The following SLC16A12 variants were observed in gnomAD, a reference collection of about 807,000 sequenced individuals.
SLC16A12 encodes the protein monocarboxylate transporter 12.
A neutral mutation model predicts 42.4 loss-of-function variants in SLC16A12; 17 were observed. The observed-to-expected ratio is 0.40, with a 90% CI of 0.27 to 0.60. SLC16A12 has a LOEUF of 0.60. SLC16A12 is among the 20% of genes least tolerant of loss of function. The probability of loss-of-function intolerance (pLI) is 0.42; values close to 1 mark genes in which losing one functional copy is unlikely to be tolerated. For synonymous variants in SLC16A12, 224 were observed against 229.4 expected, an observed-to-expected ratio of 0.98 and a Z score of 0.21; for missense variants, 544 against 623.0, an observed-to-expected ratio of 0.87 and a Z score of 1.35.
chr10:89,525,046 C>T (rs531142995), intron 2 of SLC16A12, among the ~76,000 whole-genome samples: 8 of 152,000 alleles, frequency 5.3e-5, no homozygotes, highest in South Asian at 2.1e-4. Flanking sequence ...GGTGAAACCC[C>T]GTCTCTACTA....
Position 89,441,202 on chromosome 10 carries a change from G to A in SLC16A12, c.354C>T (p.Ile118=). The change falls in exon 5 of 8, where the codon ATC becomes ATT. Residue 118 remains isoleucine (I), a synonymous_variant. Transcript: ENST00000371790. ...TAGATGCAAGCAAGCCACCCAGCAT[G>A]ATTCCCACTTGACAGGATAAATGGT... ...VSNHLSCQVG[I]MLGGLLASTG... is the part of the protein sequence containing the mutation. 1.2e-6 allele frequency: 2 copies of A among 1,613,976 alleles called. No homozygotes were observed. Among genetic ancestry groups the A allele is most frequent in the Non-Finnish European group, 1.7e-6 (2 of 1,179,940 alleles).
At chr10:89,516,095 G>A (rs1843246250) in intron 2 of SLC16A12, among the ~76,000 whole-genome samples, 1 of 152,148 alleles carries the variant, frequency 6.6e-6, no homozygotes, top group Admixed American at 6.6e-5. Context: ...TTTACTCACA[G>A]GAACACACCG....
chr10:89,498,998 C>T (rs776349678), intron 2 of SLC16A12, among the ~76,000 whole-genome samples: 12 of 152,192 alleles, frequency 7.9e-5, no homozygotes, highest in Non-Finnish European at 1.6e-4. Flanking sequence ...CCTAGATCTT[C>T]CCTCTGACAG....
At chr10:89,436,901 A>AAAGAAAGAAAGAAAGG in intron 6 of SLC16A12, among the ~76,000 whole-genome samples, 1 of 150,074 alleles carries the variant, frequency 6.7e-6, no homozygotes, top group African/African-American at 2.5e-5. Context: ...AGAAAGAAAG[A>AAAGAAAGAAAGAAAGG]AAGAAAGAAA....
chr10:89,524,320 G>A (rs1843412553), intron 2 of SLC16A12, among the ~76,000 whole-genome samples: 1 of 152,034 alleles, frequency 6.6e-6, no homozygotes, highest in Non-Finnish European at 1.5e-5. Flanking sequence ...AAAACTCAAA[G>A]AAAAATCAAA....
intron 2 of SLC16A12, among the ~76,000 whole-genome samples, chr10:89,519,859 A>G (rs1023785396): frequency 1.2e-4 from 18 of 152,322 alleles, no homozygotes; most frequent in African/African-American, 4.3e-4. Context: ...TCATGCCTGT[A>G]ATCCCAGCAC....
At chr10:89,458,628 T>C (rs1842239474) in intron 3 of SLC16A12, among the ~76,000 whole-genome samples, 1 of 152,210 alleles carries the variant, frequency 6.6e-6, no homozygotes, top group African/African-American at 2.4e-5. Context: ...TAGATACAGC[T>C]TCACATTAAG....
chr10:89,541,585 T>G (rs1843716374), intron 2 of SLC16A12, among the ~76,000 whole-genome samples: 1 of 152,164 alleles, frequency 6.6e-6, no homozygotes, highest in Admixed American at 6.5e-5. Flanking sequence ...AGACCCAGTC[T>G]CTAAAAATAG....
intron 6 of SLC16A12, 104 bp downstream of exon 6, chr10:89,438,500 T>G: frequency 9.4e-7 from 1 of 1,068,298 alleles, no homozygotes; most frequent in Non-Finnish European, 1.4e-6. Flanking sequence ...GCAGACTTGT[T>G]AACATTATTC....
intron 2 of SLC16A12, among the ~76,000 whole-genome samples, chr10:89,510,119 T>C (rs981504204): frequency 2.0e-5 from 3 of 152,208 alleles, no homozygotes; most frequent in Non-Finnish European, 2.9e-5. Flanking sequence ...TCCATGCTCA[T>C]GGATAGGAAG....
At chr10:89,452,180 T>G (rs1200921603) in intron 3 of SLC16A12, among the ~76,000 whole-genome samples, 4 of 152,220 alleles carry the variant, frequency 2.6e-5, no homozygotes, top group South Asian at 2.1e-4. Flanking sequence ...TTTCAGTCCT[T>G]CCTGACTCAT....
Position 89,441,304 on chromosome 10 carries a change from A to G in SLC16A12, c.305-53T>C, listed in dbSNP as rs961567511. ...ACAGAAAGGCCTTGAGGGCACTGTG[A>G]AAGGCTGTGATGTGGCATTGACAGA... On this transcript the variant is annotated intron_variant, in intron 4 of 7. Coordinates refer to ENST00000371790, the MANE Select transcript of SLC16A12 (RefSeq NM_213606.4). 3.1e-6 allele frequency: 5 copies of G among 1,609,488 alleles called. No individual in the cohort carries two copies. In the African/African-American group the frequency reaches 5.3e-5, roughly 17 times the overall value.
At chr10:89,494,515 C>T (rs1296812096) in intron 2 of SLC16A12, among the ~76,000 whole-genome samples, 2 of 152,158 alleles carry the variant, frequency 1.3e-5, no homozygotes, top group Non-Finnish European at 2.9e-5. Context: ...AGATTGAGCA[C>T]GCATGTTTAT....
rs150609390 is a variant in SLC16A12 at position 89,463,418 on chromosome 10, G to A, written c.-46-794C>T. 3.2e-3 allele frequency among the ~76,000 whole-genome samples: 485 copies of A among 152,000 alleles called. 2 individuals carry two copies. Among genetic ancestry groups the A allele is most frequent in the African/African-American group, 0.011 (470 of 41,486 alleles). ...CAAATAAGGTAAAAAAAAGATCAGTGAAGAAAAAAAGTATTATTCACCACA... is the reference window on the plus strand; with the variant it reads ...CAAATAAGGTAAAAAAAAGATCAGTAAAGAAAAAAAGTATTATTCACCACA... On this transcript the variant is annotated intron_variant, in intron 2 of 7. Transcript: ENST00000371790.
intron 2 of SLC16A12, among the ~76,000 whole-genome samples, chr10:89,514,039 T>C (rs1843205776): frequency 6.6e-6 from 1 of 152,296 alleles, no homozygotes; most frequent in Middle Eastern, 3.4e-3. Context: ...ATAACTGAAA[T>C]CCTAAAGAGC....
At chr10:89,480,733 A>C (rs753798081) in intron 2 of SLC16A12, among the ~76,000 whole-genome samples, 1 of 152,210 alleles carries the variant, frequency 6.6e-6, no homozygotes, top group African/African-American at 2.4e-5. Context: ...AAACAGACCC[A>C]GTGTCTTCAT....
At chr10:89,541,320 G>A (rs768115900) in intron 2 of SLC16A12, among the ~76,000 whole-genome samples, 1 of 152,116 alleles carries the variant, frequency 6.6e-6, no homozygotes, top group Non-Finnish European at 1.5e-5. Context: ...TTGAGGATGG[G>A]TATGGTGGCT....
intron 2 of SLC16A12, chr10:89,462,878 G>C: frequency 3.2e-6 from 1 of 316,852 alleles, no homozygotes; most frequent in South Asian, 4.8e-5. Context: ...CTCTCTTGAA[G>C]GTAGTTGTGG....
chr10:89,473,742 C>T (rs536558827), intron 2 of SLC16A12, among the ~76,000 whole-genome samples: 23 of 152,114 alleles, frequency 1.5e-4, no homozygotes, highest in African/African-American at 5.5e-4. Flanking sequence ...ACCTTTGTAA[C>T]CCTTAATGTG....
Sources: allele counts gnomAD v4.1 joint callset (sites outside exome capture counted in the v4.1 genomes callset), GRCh38; gene constraint gnomAD v4.1.1; transcripts MANE v1.5; gene names NCBI Gene and HGNC (gene_info 2026-07-23, HGNC 2026-07-21).